VWA8: variants seen among roughly 807,000 people sequenced by gnomAD.
The protein encoded by VWA8 is von Willebrand factor A domain containing 8.
VWA8 carries 221 observed loss-of-function variants against 241.5 expected under a neutral mutation model. That is an observed-to-expected ratio of 0.91 (90% confidence interval 0.82 to 1.02). VWA8 has a LOEUF of 1.02. Among genes scored for constraint, VWA8 ranks in the 50% least tolerant of loss-of-function variants. VWA8 has a pLI of 0.00. For missense variants in VWA8, 2,322 were observed against 2,328.7 expected, an observed-to-expected ratio of 1.00 and a Z score of 0.06; for synonymous variants, 852 against 827.1, an observed-to-expected ratio of 1.03 and a Z score of -0.52.
chr13:41,707,107 G>C (rs1454642129), intron 26 of VWA8, among the ~76,000 whole-genome samples: 1 of 152,194 alleles, frequency 6.6e-6, no homozygotes, highest in Non-Finnish European at 1.5e-5. Flanking sequence ...TCAAATTATA[G>C]TATTTGAGCA....
intron 2 of VWA8, among the ~76,000 whole-genome samples, chr13:41,944,201 T>C (rs1877739361): frequency 6.6e-6 from 1 of 151,770 alleles, no homozygotes; most frequent in African/African-American, 2.4e-5. Flanking sequence ...TGAAAATTCA[T>C]TCCTTCTTAA....
intron 5 of VWA8, among the ~76,000 whole-genome samples, chr13:41,889,431 T>G (rs901273224): frequency 6.6e-6 from 1 of 151,354 alleles, no homozygotes; most frequent in Non-Finnish European, 1.5e-5. Flanking sequence ...CAGGCTGGAG[T>G]GCAGTGGTGC....
At chr13:41,568,578 T>C (rs2044277644) in intron 44 of VWA8, among the ~76,000 whole-genome samples, 1 of 152,244 alleles carries the variant, frequency 6.6e-6, no homozygotes, top group Admixed American at 6.5e-5. Context: ...ATTTTCTTCC[T>C]TTCTTTACTG....
rs1214341011 is a variant in VWA8, at chr13:41,721,501, G to A, written c.2833C>T (p.Pro945Ser). The A allele has an allele frequency of 6.2e-6, 10 of 1,613,750 alleles. No individual in the cohort carries two copies. The Admixed American group carries it at 1.0e-4, about 16-fold the overall frequency. ...SELEMLRQYG[P>S]NVPEPILQKL... ...TGAAGGATGGGCTCAGGCACATTTG[G>A]TCCATACTGTCTGAGCATCTCGAGC... Residue 945 changes from proline (P) to serine (S), a missense_variant, in exon 25 of 45, where the codon CCA (proline) becomes TCA (serine). By Grantham distance (74) the Pro-to-Ser change is moderately conservative. Coordinates refer to ENST00000379310, the MANE Select transcript of VWA8 (RefSeq NM_015058.2).
At chr13:41,850,320 G>A (rs528770656) in intron 12 of VWA8, among the ~76,000 whole-genome samples, 2 of 152,164 alleles carry the variant, frequency 1.3e-5, no homozygotes, top group Non-Finnish European at 2.9e-5. Context: ...AAGGAGCCAA[G>A]TACATACTAT....
At chr13:41,736,715 T>A (rs904660072) in intron 21 of VWA8, among the ~76,000 whole-genome samples, 2 of 152,012 alleles carry the variant, frequency 1.3e-5, no homozygotes, top group African/African-American at 4.8e-5. Flanking sequence ...TCTGTCTTTA[T>A]AGTTCATTAA....
intron 37 of VWA8, among the ~76,000 whole-genome samples, chr13:41,655,489 C>CAGAG (rs34381157): frequency 3.0e-4 from 44 of 148,308 alleles, no homozygotes; most frequent in South Asian, 4.3e-4. Context: ...TACAGAGAGA[C>CAGAG]AGAGAGAGAG....
At chr13:41,765,354 T>G (rs539334723) in intron 20 of VWA8, among the ~76,000 whole-genome samples, 1 of 152,312 alleles carries the variant, frequency 6.6e-6, no homozygotes, top group African/African-American at 2.4e-5. Context: ...CACCTCCAGA[T>G]TTACAAGACT....
intron 44 of VWA8, among the ~76,000 whole-genome samples, 185 bp downstream of exon 44, chr13:41,570,283 C>T (rs1352462199): frequency 6.6e-6 from 1 of 152,126 alleles, no homozygotes; most frequent in East Asian, 1.9e-4. Flanking sequence ...TATTGTTCAT[C>T]TAAACAAAAG....
chr13:41,869,594 G>A (rs1873486681), intron 9 of VWA8, among the ~76,000 whole-genome samples: 1 of 122,332 alleles, frequency 8.2e-6, no homozygotes, highest in African/African-American at 3.2e-5. Flanking sequence ...TTGTGCCACT[G>A]CACTCCAGCC....
intron 1 of VWA8, among the ~76,000 whole-genome samples, chr13:41,959,532 G>A (rs1389330463): frequency 7.0e-6 from 1 of 143,314 alleles, no homozygotes; most frequent in Non-Finnish European, 1.5e-5. Context: ...ATTTGAAATT[G>A]CAACACTATG....
intron 1 of VWA8, among the ~76,000 whole-genome samples, chr13:41,952,286 C>T (rs1403115107): frequency 6.6e-6 from 1 of 152,180 alleles, no homozygotes; most frequent in Non-Finnish European, 1.5e-5. Flanking sequence ...CCTCAAAAAA[C>T]AGGTGGTCAG....
At chr13:41,692,753 T>C (rs7140090) in intron 30 of VWA8, 109 bp downstream of exon 30, 44,261 of 718,524 alleles carry the variant, frequency 0.062, 1,753 homozygotes, top group African/African-American at 0.13. Context: ...AATTCTCTTG[T>C]GCATTACAAC....
intron 37 of VWA8, among the ~76,000 whole-genome samples, chr13:41,663,840 G>T (rs1200317155): frequency 1.3e-5 from 2 of 149,902 alleles, no homozygotes; most frequent in African/African-American, 2.4e-5. Flanking sequence ...TAGAAAAATT[G>T]TTAAATTGAA....
At chr13:41,925,405 C>T (rs756904485) in intron 2 of VWA8, among the ~76,000 whole-genome samples, 3 of 151,918 alleles carry the variant, frequency 2.0e-5, no homozygotes, top group Non-Finnish European at 4.4e-5. Context: ...ATCTCTAGTA[C>T]GAAGGTTAAA....
At chr13:41,663,076 G>A (rs1372759489) in intron 37 of VWA8, among the ~76,000 whole-genome samples, 1 of 152,108 alleles carries the variant, frequency 6.6e-6, no homozygotes, top group African/African-American at 2.4e-5. Context: ...CAGGGACTTT[G>A]AATAGTAGCT....
intron 37 of VWA8, among the ~76,000 whole-genome samples, chr13:41,654,315 A>C (rs2044887254): frequency 6.6e-6 from 1 of 152,198 alleles, no homozygotes; most frequent in Non-Finnish European, 1.5e-5. Flanking sequence ...CACAGTGGAG[A>C]CATCACCCTA....
intron 26 of VWA8, among the ~76,000 whole-genome samples, chr13:41,711,355 A>AT (rs956863934): frequency 5.3e-5 from 8 of 152,112 alleles, no homozygotes; most frequent in Non-Finnish European, 1.0e-4. Flanking sequence ...TTTGAACCCA[A>AT]TCTACAGAAA....
chr13:41,691,642 A>G (rs1364358274), intron 31 of VWA8, among the ~76,000 whole-genome samples, 197 bp from the exon 32 acceptor site: 1 of 152,142 alleles, frequency 6.6e-6, no homozygotes, highest in Non-Finnish European at 1.5e-5. Flanking sequence ...AAGTAAAAAT[A>G]ATGGAAAGTA....
Sources: allele counts gnomAD v4.1 joint callset (sites outside exome capture counted in the v4.1 genomes callset), GRCh38; gene constraint gnomAD v4.1.1; transcripts MANE v1.5; gene names NCBI Gene and HGNC (gene_info 2026-07-23, HGNC 2026-07-21).